Variants in KIAA2012 observed in about 807,000 individuals in gnomAD.
KIAA2012 encodes the protein KIAA2012, also known as uncharacterized protein KIAA2012.
A neutral mutation model predicts 150.6 loss-of-function variants in KIAA2012; 125 were observed. That is an observed-to-expected ratio of 0.83 (90% CI 0.72 to 0.96). The LOEUF (loss-of-function observed/expected upper bound fraction) is 0.96. Ranked by LOEUF, KIAA2012 falls within the 40% of genes least tolerant of loss-of-function variation. KIAA2012 has a pLI of 0.00. For synonymous variants in KIAA2012, 462 were observed against 504.7 expected (o/e 0.92, Z 1.13); for missense variants, 1,219 against 1,354.9 (o/e 0.90, Z 1.57).
chr2:202,201,280 C>T, intron 22 of KIAA2012: 1 of 1,569,720 alleles, frequency 6.4e-7, no homozygotes, highest in Non-Finnish European at 8.7e-7. Context: ...CAACATGTGT[C>T]TAAACTGCAA....
intron 1 of KIAA2012, among the ~76,000 whole-genome samples, chr2:202,074,293 T>G (rs1254109836): frequency 6.6e-6 from 1 of 152,168 alleles, no homozygotes; most frequent in Non-Finnish European, 1.5e-5. Context: ...ATACAGAGAT[T>G]TCCATTGTCA....
At chr2:202,160,334 G>GTTTTT in intron 14 of KIAA2012, among the ~76,000 whole-genome samples, 1 of 107,136 alleles carries the variant, frequency 9.3e-6, no homozygotes, top group Non-Finnish European at 1.9e-5. Context: ...TTTTTTTTGA[G>GTTTTT]ATGGAGTCTC....
chr2:202,102,192 A>ACACG (rs1161237925), intron 7 of KIAA2012, among the ~76,000 whole-genome samples: 1 of 151,540 alleles, frequency 6.6e-6, no homozygotes, highest in African/African-American at 2.4e-5. Context: ...ACATACACGC[A>ACACG]CACACACACA....
intron 9 of KIAA2012, among the ~76,000 whole-genome samples, chr2:202,107,246 A>G (rs1690221253): frequency 2.8e-5 from 1 of 36,254 alleles, no homozygotes; most frequent in South Asian, 8.6e-4. Flanking sequence ...AAAAAAAATA[A>G]AAAAAGAATA....
Position 202,104,407 on chromosome 2 carries a change from C to G in KIAA2012, c.1324+1293C>G, listed in dbSNP as rs1467611474. Reference sequence around the variant, plus strand: ...CACTGAAAAGATAGTTTGTTACTCACAGTTCCAAGAGGAGGAGGCACACCA... The same window carrying G: ...CACTGAAAAGATAGTTTGTTACTCAGAGTTCCAAGAGGAGGAGGCACACCA... On this transcript the variant is annotated intron_variant, in intron 8 of 23. Transcript: ENST00000498697. The surrounding 1 kb of genome is among the most constrained non-coding windows in gnomAD (Gnocchi z 4.3). 6.6e-6 allele frequency among the ~76,000 whole-genome samples: 1 copy of G among 152,196 alleles called. No individual in the cohort carries two copies.
At chr2:202,129,612 A>C (rs1690878086) in intron 12 of KIAA2012, among the ~76,000 whole-genome samples, 1 of 152,150 alleles carries the variant, frequency 6.6e-6, no homozygotes, top group Admixed American at 6.5e-5. Flanking sequence ...AGGATTGTGT[A>C]GATGGTAGTC....
intron 11 of KIAA2012, among the ~76,000 whole-genome samples, chr2:202,119,836 C>A (rs995985067): frequency 6.6e-6 from 1 of 152,190 alleles, no homozygotes; most frequent in Non-Finnish European, 1.5e-5. Flanking sequence ...GGCTGTGTCC[C>A]CACCCAAATT....
Position 202,116,465 on chromosome 2 carries a change from C to CTTTTTTTTTTT in KIAA2012, c.1762+3033_1762+3043dup, listed in dbSNP as rs746305557. On this transcript the variant is annotated intron_variant, in intron 11 of 23. Transcript: ENST00000498697. ...TACAGGCACGAGCCACCATGCCCGGCTTTTTTTTTTTTTTTTTTTTTTTTG... is the reference window on the plus strand; with the variant it reads ...TACAGGCACGAGCCACCATGCCCGGCTTTTTTTTTTTTTTTTTTTTTTTTTTTTTTTTTTTG... 63 of 58,008 alleles carry CTTTTTTTTTTT rather than the reference C, an allele frequency of 1.1e-3. 7 individuals are homozygous for CTTTTTTTTTTT. Among genetic ancestry groups the CTTTTTTTTTTT allele is most frequent in the East Asian group, 1.8e-3 (3 of 1,664 alleles). The allele number at this position is 58,008 out of a possible 1,614,324, so 3.6% of individuals were successfully genotyped here.
intron 15 of KIAA2012, among the ~76,000 whole-genome samples, chr2:202,170,881 C>G (rs1691872960): frequency 6.6e-6 from 1 of 152,162 alleles, no homozygotes; most frequent in Non-Finnish European, 1.5e-5. Flanking sequence ...AACTTTTATA[C>G]TAATCCTGTA....
chr2:202,131,474 C>T (rs1690926875), intron 12 of KIAA2012, among the ~76,000 whole-genome samples: 1 of 152,196 alleles, frequency 6.6e-6, no homozygotes, highest in Admixed American at 6.5e-5. Context: ...AAAGATATTG[C>T]TCATTCATTT....
intron 22 of KIAA2012, 23 bp from the exon 23 acceptor site, chr2:202,202,406 T>G: frequency 2.5e-6 from 1 of 399,804 alleles, no homozygotes; most frequent in Admixed American, 4.4e-5. Context: ...TTATTGGAAT[T>G]GGGGGTGGGG....
chr2:202,200,722 T>TTTTTTTTGG (rs1692502557), intron 22 of KIAA2012, among the ~76,000 whole-genome samples: 1 of 150,894 alleles, frequency 6.6e-6, no homozygotes, highest in Non-Finnish European at 1.5e-5. Flanking sequence ...TTTTTTTTTT[T>TTTTTTTTGG]GGTGACGGAG....
At chr2:202,171,486 G>A (rs974253140) in intron 15 of KIAA2012, among the ~76,000 whole-genome samples, 11 of 152,204 alleles carry the variant, frequency 7.2e-5, no homozygotes, top group Admixed American at 1.3e-4. Flanking sequence ...GCGCGAGGTC[G>A]TCCCGGCCTT....
rs775024901 is a variant in KIAA2012 at position 202,205,102 on chromosome 2, G to C, written c.*125G>C. 7.9e-5 allele frequency: 12 copies of C among 152,152 alleles called. No homozygotes were observed. The highest frequency in any genetic ancestry group is 1.3e-4 in the Non-Finnish European group (9 of 68,036). The allele number at this position is 152,152 out of a possible 1,614,324, so 9.4% of individuals were successfully genotyped here. ...TCTGTTAAAATTTTTGTTGTGAAATGCCTATTTTATCAGCACTGCTAACCA... is the reference window on the plus strand; with the variant it reads ...TCTGTTAAAATTTTTGTTGTGAAATCCCTATTTTATCAGCACTGCTAACCA... On this transcript the variant is annotated 3_prime_UTR_variant, in exon 24 of 24. Coordinates refer to ENST00000498697, the MANE Select transcript of KIAA2012 (RefSeq NM_001277372.4).
chr2:202,074,804 A>G, intron 1 of KIAA2012, 87 bp from the exon 2 acceptor site: 1 of 1,369,328 alleles, frequency 7.3e-7, no homozygotes, highest in Middle Eastern at 2.1e-4. Flanking sequence ...AGTAACTAAA[A>G]AAATGCCGAA....
At chr2:202,138,674 C>G (rs773841080) in intron 13 of KIAA2012, among the ~76,000 whole-genome samples, 166 bp downstream of exon 13, 10 of 152,152 alleles carry the variant, frequency 6.6e-5, no homozygotes, top group Non-Finnish European at 1.3e-4. Context: ...GGTTCCTTTA[C>G]TCTTAGACTT....
chr2:202,106,100 G>GTCCA, intron 9 of KIAA2012, 190 bp downstream of exon 9: 1 of 1,469,074 alleles, frequency 6.8e-7, no homozygotes, highest in South Asian at 1.4e-5. Context: ...AACTAACAGT[G>GTCCA]TCCAGCTCAC....
intron 2 of KIAA2012, among the ~76,000 whole-genome samples, chr2:202,075,568 T>C (rs1203382869): frequency 3.3e-5 from 5 of 152,230 alleles, no homozygotes; most frequent in African/African-American, 9.6e-5. Flanking sequence ...TTCTTGGCTC[T>C]GTGGAAATGA....
intron 13 of KIAA2012, among the ~76,000 whole-genome samples, chr2:202,141,052 C>T (rs190051901): frequency 9.8e-5 from 15 of 152,318 alleles, no homozygotes; most frequent in Non-Finnish European, 1.8e-4. Context: ...CAATCTCTGG[C>T]GTGTGGGTTG....
Sources: gnomAD v4.1 joint callset for allele counts (sites outside exome capture counted in the v4.1 genomes callset) on GRCh38, gnomAD v4.1.1 for gene constraint, Gnocchi (gnomAD v3.1) non-coding constraint, MANE v1.5 for transcripts, NCBI Gene and HGNC (gene_info 2026-07-23, HGNC 2026-07-21) for gene names.